Variants in GPC5 observed in about 807,000 individuals in gnomAD.
GPC5 encodes glypican 5.
In GPC5, 47 loss-of-function variants were observed where a neutral mutation model predicts 53.9. The ratio of observed to expected loss-of-function variants is 0.87; its 90% CI spans 0.69 to 1.11. The LOEUF is 1.11. GPC5 is among the 50% of genes most tolerant of loss of function. The probability of loss-of-function intolerance (pLI) is 0.00; values close to 1 mark genes in which losing one functional copy is unlikely to be tolerated. For synonymous variants in GPC5, 286 were observed against 263.3 expected (o/e 1.09, Z -0.84); for missense variants, 748 against 713.1 (o/e 1.05, Z -0.56).
intron 6 of GPC5, among the ~76,000 whole-genome samples, chr13:92,126,857 T>A (rs1282573626): frequency 3.0e-5 from 4 of 134,238 alleles, no homozygotes; most frequent in Non-Finnish European, 7.2e-5. Context: ...TGTGTGCATT[T>A]GTGTGTATGT....
chr13:92,274,197 T>C (rs1034461587), intron 7 of GPC5, among the ~76,000 whole-genome samples: 2 of 152,182 alleles, frequency 1.3e-5, no homozygotes, highest in African/African-American at 4.8e-5. Context: ...ATGATTTTCA[T>C]TATAGATACG....
intron 6 of GPC5, among the ~76,000 whole-genome samples, chr13:91,969,040 C>T (rs1344637540): frequency 1.3e-5 from 2 of 151,808 alleles, no homozygotes; most frequent in African/African-American, 4.8e-5. Context: ...GTGATCTCGA[C>T]TAACTGCAGC....
At chr13:92,585,647 A>T (rs931649160) in intron 7 of GPC5, among the ~76,000 whole-genome samples, 1 of 152,094 alleles carries the variant, frequency 6.6e-6, no homozygotes, top group African/African-American at 2.4e-5. Flanking sequence ...AGGACATGAG[A>T]TTTGGGAGGG....
intron 1 of GPC5, among the ~76,000 whole-genome samples, chr13:91,427,427 T>G (rs1293755559): frequency 6.6e-6 from 1 of 151,892 alleles, no homozygotes; most frequent in Non-Finnish European, 1.5e-5. Flanking sequence ...CTTTTTGGAG[T>G]TTTTAAGTTT....
intron 7 of GPC5, among the ~76,000 whole-genome samples, chr13:92,417,226 C>T (rs7335945): frequency 0.016 from 2,471 of 152,280 alleles, 63 homozygotes; most frequent in African/African-American, 0.055. Context: ...AAAAATCATA[C>T]TCAGATGACC....
chr13:91,661,386 C>A (rs7321165), intron 2 of GPC5, among the ~76,000 whole-genome samples: 36,964 of 152,136 alleles, frequency 0.24, 6,103 homozygotes, highest in African/African-American at 0.46. Flanking sequence ...AGAAGATGCC[C>A]CTGGGCATGT....
intron 7 of GPC5, among the ~76,000 whole-genome samples, chr13:92,268,939 C>A (rs1414189012): frequency 6.6e-6 from 1 of 151,756 alleles, no homozygotes; most frequent in Non-Finnish European, 1.5e-5. Context: ...AATTGTAGAT[C>A]TTTATTAAGT....
chr13:92,750,471 CAGAAAAAGG>C (rs1218289409), intron 7 of GPC5, among the ~76,000 whole-genome samples: 1 of 151,370 alleles, frequency 6.6e-6, no homozygotes, highest in African/African-American at 2.4e-5. Flanking sequence ...AAAAACAGGG[CAGAAAAAGG>C]AGAAAATGAG....
chr13:92,866,165 AC>A, intron 7 of GPC5, 116 bp from the exon 8 acceptor site: 1 of 716,076 alleles, frequency 1.4e-6, no homozygotes. Flanking sequence ...AGTTAGGTGA[AC>A]ATAGAGAATG....
intron 7 of GPC5, among the ~76,000 whole-genome samples, chr13:92,757,158 A>C (rs1874918286): frequency 6.6e-6 from 1 of 152,156 alleles, no homozygotes; most frequent in African/African-American, 2.4e-5. Flanking sequence ...AACAGAACAG[A>C]GCCCTCTGAA....
intron 5 of GPC5, among the ~76,000 whole-genome samples, chr13:91,802,883 A>G (rs998576220): frequency 6.6e-6 from 1 of 152,166 alleles, no homozygotes; most frequent in Non-Finnish European, 1.5e-5. Flanking sequence ...CCTCACTCAT[A>G]AAAGAAGATA....
chr13:92,483,459 G>T (rs980841708), intron 7 of GPC5, among the ~76,000 whole-genome samples: 8 of 152,106 alleles, frequency 5.3e-5, no homozygotes, highest in Non-Finnish European at 1.2e-4. Context: ...ATAAAAAATA[G>T]TACACCTTAT....
At chr13:92,235,925 TA>T (rs201676682) in intron 7 of GPC5, among the ~76,000 whole-genome samples, 3 of 150,790 alleles carry the variant, frequency 2.0e-5, no homozygotes, top group South Asian at 2.1e-4. Flanking sequence ...GGCACTGGTG[TA>T]AAAAAAAAGC....
intron 4 of GPC5, among the ~76,000 whole-genome samples, chr13:91,735,329 A>T (rs1405930702): frequency 1.3e-5 from 2 of 151,182 alleles, no homozygotes; most frequent in African/African-American, 4.9e-5. Context: ...ACCCTAAAAC[A>T]GTCCATCCTT....
chr13:92,538,036 T>C (rs2138997445), intron 7 of GPC5, among the ~76,000 whole-genome samples: 2 of 152,212 alleles, frequency 1.3e-5, no homozygotes, highest in South Asian at 4.1e-4. Flanking sequence ...ATACATTTCT[T>C]TAAAATTACA....
intron 7 of GPC5, among the ~76,000 whole-genome samples, chr13:92,290,021 A>G (rs9523600): frequency 0.073 from 11,165 of 152,216 alleles, 434 homozygotes; most frequent in Non-Finnish European, 0.086. Context: ...AAAAATATAC[A>G]CTATGCACAC....
chr13:92,385,863 A>G (rs1874691943), intron 7 of GPC5, among the ~76,000 whole-genome samples: 1 of 149,976 alleles, frequency 6.7e-6, no homozygotes, highest in South Asian at 2.1e-4. Flanking sequence ...AACATAAACT[A>G]TTTCATTTAG....
chr13:91,436,004 G>C (rs1157203419), intron 1 of GPC5, among the ~76,000 whole-genome samples: 1 of 152,182 alleles, frequency 6.6e-6, no homozygotes, highest in African/African-American at 2.4e-5. Flanking sequence ...TCTGATGGTA[G>C]TTTGTATTTC....
intron 7 of GPC5, among the ~76,000 whole-genome samples, chr13:92,691,674 AT>A (rs1887404644): frequency 6.6e-6 from 1 of 152,162 alleles, no homozygotes; most frequent in African/African-American, 2.4e-5. Flanking sequence ...GTAATTTAAT[AT>A]TAAATTATCA....
Sources: allele counts gnomAD v4.1 joint callset (sites outside exome capture counted in the v4.1 genomes callset), GRCh38; gene constraint gnomAD v4.1.1; transcripts MANE v1.5; gene names NCBI Gene and HGNC (gene_info 2026-07-23, HGNC 2026-07-21).